COL22A1: variants seen among roughly 807,000 people sequenced by gnomAD.
COL22A1 encodes the protein collagen type XXII alpha 1 chain.
COL22A1 carries 221 observed loss-of-function variants against 248.9 expected under a neutral mutation model. The ratio of observed to expected loss-of-function variants is 0.89; its 90% CI spans 0.80 to 0.99. The LOEUF (loss-of-function observed/expected upper bound fraction) is 0.99, where lower values mean the gene tolerates loss of function less well. COL22A1 is among the 50% of genes least tolerant of loss of function. COL22A1 has a pLI of 0.00. For missense variants in COL22A1, 2,240 were observed against 2,179.0 expected (o/e 1.03, Z -0.56); for synonymous variants, 891 against 793.4 (o/e 1.12, Z -2.07).
chr8:138,780,290 C>T (rs1230287898), intron 13 of COL22A1, among the ~76,000 whole-genome samples: 1 of 152,232 alleles, frequency 6.6e-6, no homozygotes, highest in Non-Finnish European at 1.5e-5. Flanking sequence ...GTGCTGCCAG[C>T]TGTGGACCTC....
At position 138,716,824 on chromosome 8, in the gene COL22A1, C is replaced by T. The variant is rs769629005; in HGVS notation, c.2400+1G>A. ...ATGAATAAAAGCACAAACAAACAGA[C>T]CTTCTCTCCAGGTCGGCCTGCCAGG... is the stretch of plus-strand genomic sequence containing the variant. On this transcript the variant is annotated splice_donor_variant, in intron 28 of 64. Transcript: ENST00000303045. LOFTEE classifies it high-confidence loss of function. 15 of 1,606,656 alleles carry T rather than the reference C, an allele frequency of 9.3e-6. No individual in the cohort carries two copies. In the African/African-American group the frequency reaches 1.9e-4, roughly 20 times the overall value.
intron 21 of COL22A1, among the ~76,000 whole-genome samples, chr8:138,751,987 CA>C (rs2131344725): frequency 6.6e-6 from 1 of 152,312 alleles, no homozygotes; most frequent in East Asian, 1.9e-4. Flanking sequence ...ATCAATTAAC[CA>C]AGGAACACTG....
At chr8:138,668,570 A>T (rs1179044320) in intron 41 of COL22A1, among the ~76,000 whole-genome samples, 1 of 152,212 alleles carries the variant, frequency 6.6e-6, no homozygotes, top group Non-Finnish European at 1.5e-5. Context: ...CTCTGCTGTC[A>T]GGCTGTTCTA....
chr8:138,909,836 C>T (rs7001988), intron 1 of COL22A1, among the ~76,000 whole-genome samples: 44,994 of 152,098 alleles, frequency 0.3, 7,056 homozygotes, highest in African/African-American at 0.41. Context: ...GATGTTAGCC[C>T]TGCTTTCAGC....
intron 41 of COL22A1, among the ~76,000 whole-genome samples, chr8:138,668,395 T>C (rs941452662): frequency 2.6e-5 from 4 of 151,502 alleles, no homozygotes; most frequent in African/African-American, 7.3e-5. Context: ...AATTTATATA[T>C]ACACACACAC....
chr8:138,843,360 A>T (rs1821020643), intron 4 of COL22A1, among the ~76,000 whole-genome samples: 1 of 152,196 alleles, frequency 6.6e-6, no homozygotes, highest in Admixed American at 6.5e-5. Context: ...ATTGGACCCA[A>T]GATGATGCAG....
At chr8:138,692,482 T>C (rs62527933) in intron 35 of COL22A1, among the ~76,000 whole-genome samples, 65 of 63,140 alleles carry the variant, frequency 1.0e-3, no homozygotes, top group Middle Eastern at 7.4e-3. Flanking sequence ...TGTGTGTGTG[T>C]GTGTGTGTGT....
chr8:138,778,419 A>T lies in COL22A1; in HGVS notation c.1705-13T>A, dbSNP rs1350260030. On this transcript the variant is annotated splice_polypyrimidine_tract_variant and intron_variant, in intron 14 of 64. Transcript: ENST00000303045. ...GTCCTTGGGGCCCCTGCAGAAGAGC[A>T]TTTACAGAGTAAAGTTTCAGGGATG... 2.5e-6 allele frequency: 4 copies of T among 1,581,144 alleles called. No homozygotes were observed. In the African/African-American group the frequency reaches 4.1e-5, roughly 16 times the overall value.
At chr8:138,745,185 C>T (rs1832007968) in intron 22 of COL22A1, among the ~76,000 whole-genome samples, 1 of 144,928 alleles carries the variant, frequency 6.9e-6, no homozygotes, top group Non-Finnish European at 1.5e-5. Flanking sequence ...TTTTTACCAA[C>T]TTTTCTTTTT....
chr8:138,893,207 G>A (rs983171599), intron 1 of COL22A1, among the ~76,000 whole-genome samples: 1 of 152,224 alleles, frequency 6.6e-6, no homozygotes. Flanking sequence ...TACAGACTGA[G>A]TACTTTCTAC....
intron 63 of COL22A1, 22 bp from the exon 64 acceptor site, chr8:138,591,523 T>G: frequency 5.3e-6 from 8 of 1,516,524 alleles, no homozygotes; most frequent in Non-Finnish European, 7.1e-6. Context: ...AACATGCACT[T>G]TTGATGGTGG....
rs1291942254 is a variant in COL22A1, at chr8:138,720,774, C to A, written c.2320G>T (p.Gly774Trp). Residue 774 changes from glycine (G) to tryptophan (W), a missense_variant, in exon 27 of 65, where the codon GGG becomes TGG. Transcript: ENST00000303045. Reference protein sequence around the residue: ...PGTKGEPGERGEDGLPGKPGL... With the variant: ...PGTKGEPGERWEDGLPGKPGL... ...GGTTTTCCAGGCAGACCATCTTCCC[C>A]TCTTTCTCCTGGTTCTCCCTGGAAG... The A allele has an allele frequency of 6.2e-7, 1 of 1,613,986 alleles. No homozygotes were observed. Among genetic ancestry groups the A allele is most frequent in the Non-Finnish European group, 8.5e-7 (1 of 1,179,824 alleles).
In COL22A1 at chr8:138,722,020, C is replaced by A; in HGVS notation, c.2301+16G>T. The A allele has an allele frequency of 1.9e-6, 3 of 1,562,984 alleles. No individual in the cohort carries two copies. Among genetic ancestry groups the A allele is most frequent in the Non-Finnish European group, 1.7e-6 (2 of 1,150,770 alleles). On this transcript the variant is annotated intron_variant, in intron 26 of 64. Transcript: ENST00000303045. Reference sequence around the variant, plus strand: ...TTTGGGTTCCCAAACTGGTGCCAACCGCATCAGTGACCAACCTTGGTTCCT... The same window carrying A: ...TTTGGGTTCCCAAACTGGTGCCAACAGCATCAGTGACCAACCTTGGTTCCT...
At chr8:138,884,335 T>C (rs1824475870) in intron 1 of COL22A1, among the ~76,000 whole-genome samples, 1 of 152,120 alleles carries the variant, frequency 6.6e-6, no homozygotes, top group Non-Finnish European at 1.5e-5. Context: ...CCAACTTCAC[T>C]GGGCATGGAA....
chr8:138,751,571 T>C (rs1832604846), intron 21 of COL22A1, 60 bp from the exon 22 acceptor site: 32 of 1,213,862 alleles, frequency 2.6e-5, no homozygotes, highest in South Asian at 3.9e-5. Context: ...CAGGGCTCAA[T>C]GGCATAGCTT....
At chr8:138,626,300 A>G (rs1815142592) in intron 50 of COL22A1, 57 bp from the exon 51 acceptor site, 2 of 1,380,954 alleles carry the variant, frequency 1.4e-6, no homozygotes, top group South Asian at 2.4e-5. Flanking sequence ...TTCTGGAAGT[A>G]AATGACTTCA....
At chr8:138,902,834 T>C (rs1049862490) in intron 1 of COL22A1, among the ~76,000 whole-genome samples, 1 of 135,542 alleles carries the variant, frequency 7.4e-6, no homozygotes, top group Non-Finnish European at 1.5e-5. Flanking sequence ...GGACAGGAAG[T>C]TGTGGGATGG....
chr8:138,658,728 CCTT>C (rs1466231115), intron 44 of COL22A1, among the ~76,000 whole-genome samples: 1 of 152,132 alleles, frequency 6.6e-6, no homozygotes, highest in East Asian at 1.9e-4. Flanking sequence ...TTCTGTGAGT[CCTT>C]CTGGGAAATG....
intron 50 of COL22A1, among the ~76,000 whole-genome samples, chr8:138,629,589 G>A (rs141945489): frequency 5.9e-5 from 9 of 152,186 alleles, no homozygotes; most frequent in Non-Finnish European, 1.2e-4. Flanking sequence ...CTCAACATCC[G>A]TCTGGCTGCC....
Sources: gnomAD v4.1 joint callset for allele counts (sites outside exome capture counted in the v4.1 genomes callset) on GRCh38, gnomAD v4.1.1 for gene constraint, MANE v1.5 for transcripts, NCBI Gene and HGNC (gene_info 2026-07-23, HGNC 2026-07-21) for gene names.